The following KNDC1 variants were observed in gnomAD, a reference collection of about 807,000 sequenced individuals.
KNDC1 encodes the protein kinase non-catalytic C-lobe domain-containing protein 1.
A neutral mutation model predicts 172.8 loss-of-function variants in KNDC1; 106 were observed. That is an observed-to-expected ratio of 0.61 (90% CI 0.52 to 0.72). The LOEUF (loss-of-function observed/expected upper bound fraction) is 0.72. Ranked by LOEUF, KNDC1 falls within the 30% of genes least tolerant of loss-of-function variation. KNDC1 has a pLI of 0.00. For missense variants in KNDC1, 2,325 were observed against 2,394.5 expected (o/e 0.97, Z 0.61); for synonymous variants, 1,083 against 1,062.2 (o/e 1.02, Z -0.38).
intron 19 of KNDC1, 51 bp downstream of exon 19, chr10:133,207,004 G>C (rs757278463): frequency 1.9e-6 from 3 of 1,568,880 alleles, no homozygotes; most frequent in South Asian, 1.1e-5. Flanking sequence ...AGCTTCAGAC[G>C]GGCCTCCCAC....
At chr10:133,220,179 G>A in intron 29 of KNDC1, 67 bp downstream of exon 29, 1 of 1,355,424 alleles carries the variant, frequency 7.4e-7, no homozygotes, top group Non-Finnish European at 9.8e-7. Flanking sequence ...GCGCCCAGGA[G>A]AGGAGGGGCT....
chr10:133,188,889 T>C (rs554644567), intron 7 of KNDC1, among the ~76,000 whole-genome samples: 3 of 151,956 alleles, frequency 2.0e-5, no homozygotes, highest in East Asian at 3.9e-4. Flanking sequence ...CTGGAGCACC[T>C]TGTGGGTGCC....
intron 20 of KNDC1, among the ~76,000 whole-genome samples, chr10:133,210,279 G>A (rs1297305418): frequency 1.3e-5 from 2 of 150,406 alleles, no homozygotes; most frequent in East Asian, 2.0e-4. Context: ...CTATTCGGGA[G>A]GCTGAGGCAG....
At chr10:133,177,588 CG>C (rs1201361927) in intron 3 of KNDC1, among the ~76,000 whole-genome samples, 1 of 150,290 alleles carries the variant, frequency 6.7e-6, no homozygotes, top group Non-Finnish European at 1.5e-5. Context: ...GTGTGTGTAT[CG>C]GGCACATGTG....
chr10:133,225,879 G>C lies in KNDC1; in HGVS notation c.*989G>C, dbSNP rs982571634. 1 of 152,428 alleles carries C rather than the reference G, an allele frequency of 6.6e-6. No homozygotes were observed. Among genetic ancestry groups the C allele is most frequent in the African/African-American group, 2.4e-5 (1 of 41,482 alleles). The allele number at this position is 152,428 out of a possible 1,614,324, so 9.4% of individuals were successfully genotyped here. ...CCAGGCAGCTGGTGTGGAGCCCCTT[G>C]GCCAGGGCCATGGGAGTCCCGCGCA... On this transcript the variant is annotated 3_prime_UTR_variant, in exon 30 of 30. Transcript: ENST00000304613.
chr10:133,201,759 C>T lies in KNDC1; in HGVS notation c.3248C>T (p.Pro1083Leu), dbSNP rs199987564. 1,974 of 1,564,742 alleles carry T rather than the reference C, an allele frequency of 1.3e-3. 1 individual carries two copies. Among genetic ancestry groups the T allele is most frequent in the Non-Finnish European group, 1.5e-3 (1,703 of 1,157,018 alleles). The change falls in exon 17 of 30, where the codon CCA (proline) becomes CTA (leucine). Residue 1083 changes from proline (P) to leucine (L), a missense_variant. Physicochemically the swap from Pro to Leu is moderately conservative, Grantham distance 98 (BLOSUM62 -3). Coordinates refer to ENST00000304613, the MANE Select transcript of KNDC1 (RefSeq NM_152643.8). ...KGVGPALSPGPAGFQSCSPGW... is the reference protein window; with the variant it reads ...KGVGPALSPGLAGFQSCSPGW... Reference sequence around the variant, plus strand: ...GTCGGCCCAGCCTTGTCCCCCGGCCCAGCCGGATTCCAGAGCTGCAGCCCC... The same window carrying T: ...GTCGGCCCAGCCTTGTCCCCCGGCCTAGCCGGATTCCAGAGCTGCAGCCCC...
chr10:133,207,454 T>G, intron 20 of KNDC1, 103 bp downstream of exon 20: 11 of 1,078,422 alleles, frequency 1.0e-5, no homozygotes, highest in Non-Finnish European at 1.5e-5. Flanking sequence ...GGGTTTGCAC[T>G]TTTTAGTTTA....
chr10:133,211,880 G>C, intron 23 of KNDC1, 22 bp downstream of exon 23: 1 of 1,594,638 alleles, frequency 6.3e-7, no homozygotes, highest in Non-Finnish European at 8.5e-7. Flanking sequence ...TCTCAGGGGA[G>C]GTCCTCCCTG....
At chr10:133,222,152 G>A (rs1249444163) in intron 29 of KNDC1, among the ~76,000 whole-genome samples, 3 of 149,960 alleles carry the variant, frequency 2.0e-5, no homozygotes, top group Admixed American at 6.7e-5. Context: ...GCGCGGTGGC[G>A]GGCGCCTGTA....
intron 3 of KNDC1, among the ~76,000 whole-genome samples, chr10:133,172,561 A>G (rs1469922358): frequency 2.0e-5 from 3 of 152,218 alleles, no homozygotes; most frequent in Non-Finnish European, 4.4e-5. Context: ...CTAATCCTGT[A>G]TAAGCAGCAC....
chr10:133,213,707 C>T lies in KNDC1; in HGVS notation c.4506C>T (p.Asp1502=). ...ACTCACGGGCCCTGGGCGTCATGGA[C>T]AAGAGCACTGCCATCCCCAAGTGAG... ...FLNSRALGVM[D]KSTAIPKASS... is the part of the protein sequence containing the mutation. Residue 1502 remains aspartate (D), a synonymous_variant, in exon 25 of 30, where the codon GAC becomes GAT. Coordinates refer to ENST00000304613, the MANE Select transcript of KNDC1 (RefSeq NM_152643.8). The T allele has an allele frequency of 1.2e-6, 2 of 1,614,042 alleles. No homozygotes were observed. Among genetic ancestry groups the T allele is most frequent in the Non-Finnish European group, 1.7e-6 (2 of 1,179,956 alleles).
chr10:133,197,614 T>G, intron 11 of KNDC1, 61 bp from the exon 12 acceptor site: 1 of 1,282,450 alleles, frequency 7.8e-7, no homozygotes, highest in Non-Finnish European at 1.1e-6. Context: ...GCCCTGTGGG[T>G]GTTGCCGGCG....
Position 133,196,149 on chromosome 10 carries a change from C to G in KNDC1, c.1734+328C>G, listed in dbSNP as rs1053338272. ...GCAAGGGGTGTCCTGTGGGCACGTG[C>G]AGACCCCTGCTCTTAGGCCCTGCTG... On this transcript the variant is annotated intron_variant, in intron 10 of 29. Coordinates refer to ENST00000304613, the MANE Select transcript of KNDC1 (RefSeq NM_152643.8). Among the ~76,000 whole-genome samples the G allele has an allele frequency of 5.3e-5, 8 of 152,184 alleles. No individual in the cohort carries two copies. In the East Asian group the frequency reaches 1.5e-3, roughly 29 times the overall value.
At chr10:133,192,599 A>G (rs1236728560) in intron 9 of KNDC1, among the ~76,000 whole-genome samples, 1 of 152,244 alleles carries the variant, frequency 6.6e-6, no homozygotes, top group African/African-American at 2.4e-5. Flanking sequence ...CAAAGTTTCA[A>G]CCAAGGAATA....
At chr10:133,218,495 G>A (rs1045075255) in intron 26 of KNDC1, among the ~76,000 whole-genome samples, 3 of 150,874 alleles carry the variant, frequency 2.0e-5, no homozygotes, top group African/African-American at 7.3e-5. Context: ...CTCTCCCTGG[G>A]TGGGGTCGCC....
chr10:133,219,312 G>T (rs1243735623), intron 28 of KNDC1, among the ~76,000 whole-genome samples: 5 of 152,240 alleles, frequency 3.3e-5, no homozygotes, highest in Non-Finnish European at 7.3e-5. Flanking sequence ...GGCCTTGCTG[G>T]TCTGAGTTCC....
chr10:133,166,446 TG>T (rs1411014617), intron 1 of KNDC1, among the ~76,000 whole-genome samples: 1 of 148,102 alleles, frequency 6.8e-6, no homozygotes, highest in Non-Finnish European at 1.5e-5. Context: ...GGAATGGGTG[TG>T]TGCGGGTGTG....
In KNDC1 at chr10:133,186,496, C is replaced by T; in HGVS notation, c.1148C>T (p.Thr383Met). ...LGRVPCAGRSTDRGPGVPGSP... is the reference protein window; with the variant it reads ...LGRVPCAGRSMDRGPGVPGSP... Reference sequence around the variant, plus strand: ...CGGGTTCCCTGTGCAGGCCGCAGCACGGACAGGGGCCCTGGGGTGCCCGGC... The same window carrying T: ...CGGGTTCCCTGTGCAGGCCGCAGCATGGACAGGGGCCCTGGGGTGCCCGGC... The change falls in exon 6 of 30, where the codon ACG becomes ATG. Residue 383 changes from threonine (T) to methionine (M), a missense_variant. Thr to Met is a moderately conservative substitution (Grantham distance 81, BLOSUM62 -1). Transcript: ENST00000304613. The T allele has an allele frequency of 7.4e-6, 12 of 1,612,294 alleles. No individual in the cohort carries two copies. Among genetic ancestry groups the T allele is most frequent in the South Asian group, 1.1e-5 (1 of 91,052 alleles).
Position 133,168,276 on chromosome 10 carries a change from TC to T in KNDC1, c.330del (p.Glu111SerfsTer4). 2.5e-6 allele frequency: 4 copies of T among 1,613,978 alleles called. No individual in the cohort carries two copies. Among genetic ancestry groups the T allele is most frequent in the Non-Finnish European group, 3.4e-6 (4 of 1,179,988 alleles). On this transcript the variant is annotated frameshift_variant, in exon 3 of 30. Transcript: ENST00000304613. LOFTEE classifies it high-confidence loss of function. Reference sequence around the variant, plus strand: ...AAGACGACCCTGAGGGTGCCTTCGTTCCCCCCGAGTTCGACGTGACCGGGAA... The same window carrying T: ...AAGACGACCCTGAGGGTGCCTTCGTTCCCCCGAGTTCGACGTGACCGGGAA... ...LSDDPEGAFV[P>X]PEFDVTGNTF...
Sources: gnomAD v4.1 joint callset for allele counts (sites outside exome capture counted in the v4.1 genomes callset) on GRCh38, gnomAD v4.1.1 for gene constraint, MANE v1.5 for transcripts, NCBI Gene and HGNC (gene_info 2026-07-23, HGNC 2026-07-21) for gene names.